HNRNPM: variants seen among roughly 807,000 people sequenced by gnomAD.
HNRNPM encodes the protein heterogeneous nuclear ribonucleoprotein M, also known as CEA receptor.
HNRNPM carries 11 observed loss-of-function variants against 73.1 expected under a neutral mutation model. That is an observed-to-expected ratio of 0.15 (90% confidence interval 0.09 to 0.25). The LOEUF (loss-of-function observed/expected upper bound fraction) is 0.25, where lower values mean the gene tolerates loss of function less well. Ranked by LOEUF, HNRNPM falls within the 10% of genes least tolerant of loss-of-function variation. The probability of loss-of-function intolerance (pLI) is 1.00; values close to 1 mark genes in which losing one functional copy is unlikely to be tolerated. For synonymous variants in HNRNPM, 407 were observed against 355.2 expected, an observed-to-expected ratio of 1.15 and a Z score of -1.64; for missense variants, 789 against 1,067.9, an observed-to-expected ratio of 0.74 and a Z score of 3.64.
At chr19:8,465,571 T>C (rs1030364900) in intron 6 of HNRNPM, 56 bp downstream of exon 6, 33 of 1,091,960 alleles carry the variant, frequency 3.0e-5, no homozygotes, top group Non-Finnish European at 1.2e-5. Context: ...TGAAATGACC[T>C]TGTCAATATG....
At position 8,471,431 on chromosome 19, in the gene HNRNPM, A is replaced by T; in HGVS notation, c.997+4A>T. The T allele has an allele frequency of 6.4e-7, 1 of 1,561,286 alleles. No homozygotes were observed. The highest frequency in any genetic ancestry group is 2.3e-5 in the East Asian group (1 of 43,214). On this transcript the variant is annotated splice_donor_region_variant and intron_variant, in intron 10 of 15. Transcript: ENST00000325495. ...ATGGGAAACATAGGTCCCGCAGGTG[A>T]GAATGACAGTGCACCTTGCTTGGTG...
At chr19:8,449,953 T>A (rs992017624) in intron 1 of HNRNPM, among the ~76,000 whole-genome samples, 3 of 152,184 alleles carry the variant, frequency 2.0e-5, no homozygotes, top group Admixed American at 2.0e-4. Flanking sequence ...CTAGATGAGC[T>A]GCTTTTTGTT....
At chr19:8,481,738 C>T (rs1970929843) in intron 12 of HNRNPM, among the ~76,000 whole-genome samples, 1 of 152,200 alleles carries the variant, frequency 6.6e-6, no homozygotes, top group South Asian at 2.1e-4. Flanking sequence ...CAGAACAAAG[C>T]AAAGTAAGAC....
chr19:8,474,118 G>A, intron 11 of HNRNPM, 49 bp from the exon 12 acceptor site: 1 of 1,367,408 alleles, frequency 7.3e-7, no homozygotes, highest in South Asian at 1.3e-5. Context: ...TCCCTGCTTA[G>A]TCTAAGCAGT....
chr19:8,481,813 C>A (rs1420188442), intron 12 of HNRNPM, among the ~76,000 whole-genome samples: 1 of 152,112 alleles, frequency 6.6e-6, no homozygotes, highest in African/African-American at 2.4e-5. Context: ...CGGGCAGGAT[C>A]GCAGGCGTCC....
chr19:8,470,541 T>C (rs1764011472), intron 9 of HNRNPM, among the ~76,000 whole-genome samples: 1 of 152,144 alleles, frequency 6.6e-6, no homozygotes, highest in Non-Finnish European at 1.5e-5. Context: ...TTGGCCAGGA[T>C]GGTCTCGAAC....
At chr19:8,457,902 A>C (rs1411839051) in intron 2 of HNRNPM, among the ~76,000 whole-genome samples, 1 of 152,216 alleles carries the variant, frequency 6.6e-6, no homozygotes, top group Non-Finnish European at 1.5e-5. Context: ...TATTAGTCTC[A>C]ATTCCAAAAC....
intron 8 of HNRNPM, 109 bp from the exon 9 acceptor site, chr19:8,468,665 A>G (rs906663665): frequency 8.9e-6 from 7 of 785,128 alleles, no homozygotes; most frequent in Middle Eastern, 2.2e-4. Flanking sequence ...CATGGCGTGG[A>G]TAATGTGTTT....
intron 3 of HNRNPM, 137 bp from the exon 4 acceptor site, chr19:8,463,360 G>A (rs1461589442): frequency 2.1e-6 from 2 of 965,968 alleles, no homozygotes; most frequent in African/African-American, 1.6e-5. Context: ...CCCTTAGAAG[G>A]GTTCATTTTA....
chr19:8,463,077 A>AT, intron 3 of HNRNPM, among the ~76,000 whole-genome samples: 1 of 152,306 alleles, frequency 6.6e-6, no homozygotes, highest in East Asian at 1.9e-4. Context: ...AACATAAACT[A>AT]TTTTCTGTCG....
At chr19:8,452,265 AT>A (rs1431896929) in intron 1 of HNRNPM, among the ~76,000 whole-genome samples, 1 of 152,248 alleles carries the variant, frequency 6.6e-6, no homozygotes, top group African/African-American at 2.4e-5. Context: ...AAGACTGGAA[AT>A]AATTCATCAT....
chr19:8,446,624 A>G (rs1968206677), intron 1 of HNRNPM, among the ~76,000 whole-genome samples: 1 of 152,110 alleles, frequency 6.6e-6, no homozygotes, highest in African/African-American at 2.4e-5. Context: ...GCTGGTCTGA[A>G]ACTCCTGGGT....
intron 1 of HNRNPM, among the ~76,000 whole-genome samples, chr19:8,453,774 C>T (rs192906879): frequency 5.3e-5 from 8 of 152,172 alleles, no homozygotes; most frequent in Non-Finnish European, 1.0e-4. Context: ...ATCTGTGCCT[C>T]CCTGTAGTCA....
Position 8,459,368 on chromosome 19 carries a change from C to CGTG in HNRNPM, c.284-3159_284-3157dup, listed in dbSNP as rs58309692. On this transcript the variant is annotated intron_variant, in intron 2 of 15. Transcript: ENST00000325495. ...CTGTTATTGCCACGCAATTGAGGAG[C>CGTG]GTGGGCTCAGTCATTTCCTAACATG... 8.5e-3 allele frequency among the ~76,000 whole-genome samples: 1,287 copies of CGTG among 152,270 alleles called. 18 individuals are homozygous for CGTG. The highest frequency in any genetic ancestry group is 0.028 in the African/African-American group (1,181 of 41,550).
At chr19:8,445,397 G>T (rs1217083299) in intron 1 of HNRNPM, 2 of 314,124 alleles carry the variant, frequency 6.4e-6, no homozygotes, top group African/African-American at 2.1e-5. Flanking sequence ...GCGCATGGGG[G>T]TTGATGGCGC....
intron 1 of HNRNPM, among the ~76,000 whole-genome samples, chr19:8,451,169 A>G (rs1410557779): frequency 6.6e-6 from 1 of 151,214 alleles, no homozygotes; most frequent in Non-Finnish European, 1.5e-5. Context: ...GGCCTCCCAA[A>G]GTGCTGGGAT....
At chr19:8,477,388 T>G (rs1487321318) in intron 12 of HNRNPM, among the ~76,000 whole-genome samples, 1 of 152,126 alleles carries the variant, frequency 6.6e-6, no homozygotes, top group African/African-American at 2.4e-5. Context: ...CTGGGTGTAG[T>G]GGCTCACACC....
intron 15 of HNRNPM, chr19:8,487,391 G>C (rs1312315802): frequency 2.9e-6 from 1 of 344,424 alleles, no homozygotes; most frequent in Non-Finnish European, 5.5e-6. Context: ...AGGTGGCAAG[G>C]CTAAATAAAT....
At chr19:8,474,096 A>G in intron 11 of HNRNPM, 71 bp from the exon 12 acceptor site, 1 of 1,143,636 alleles carries the variant, frequency 8.7e-7, no homozygotes, top group Non-Finnish European at 1.2e-6. Context: ...AACATGTGAT[A>G]GAATTTTTCT....
Sources: allele counts gnomAD v4.1 joint callset (sites outside exome capture counted in the v4.1 genomes callset), GRCh38; gene constraint gnomAD v4.1.1; transcripts MANE v1.5; gene names NCBI Gene and HGNC (gene_info 2026-07-23, HGNC 2026-07-21).